Variants in MAPRE1 observed in about 807,000 individuals in gnomAD.
The protein encoded by MAPRE1 is microtubule-associated protein RP/EB family member 1.
MAPRE1 carries 5 observed loss-of-function variants against 32.1 expected under a neutral mutation model. That is an observed-to-expected ratio of 0.16 (90% confidence interval 0.08 to 0.33). The LOEUF is 0.33. Ranked by LOEUF, MAPRE1 falls within the 10% of genes least tolerant of loss-of-function variation. The pLI, the probability that MAPRE1 is intolerant of heterozygous loss-of-function variation, is 1.00. For synonymous variants in MAPRE1, 122 were observed against 118.9 expected, an observed-to-expected ratio of 1.03 and a Z score of -0.17; for missense variants, 209 against 327.2, an observed-to-expected ratio of 0.64 and a Z score of 2.79.
chr20:32,820,155 G>A (rs1219206118), intron 1 of MAPRE1, 127 bp downstream of exon 1: 3 of 151,508 alleles, frequency 2.0e-5, no homozygotes, highest in Non-Finnish European at 4.4e-5. Flanking sequence ...TGTTCGAGCC[G>A]GGTGGGGGAA....
intron 4 of MAPRE1, among the ~76,000 whole-genome samples, chr20:32,837,353 T>C (rs1403946111): frequency 1.3e-5 from 2 of 152,188 alleles, no homozygotes; most frequent in African/African-American, 4.8e-5. Context: ...CTTCCCTACC[T>C]GCCCTAGAAC....
Position 32,831,368 on chromosome 20 carries a change from C to T in MAPRE1, c.122-2349C>T, listed in dbSNP as rs116717200. Among the ~76,000 whole-genome samples the T allele has an allele frequency of 2.1e-3, 312 of 151,562 alleles. 3 individuals carry two copies. Among genetic ancestry groups the T allele is most frequent in the African/African-American group, 7.3e-3 (303 of 41,314 alleles). ...CCAATATTTATGTAATTGATTCTTT[C>T]TCTTTTTAGAAATAGGGAAATAAAT... On this transcript the variant is annotated intron_variant, in intron 2 of 6. Transcript: ENST00000375571.
intron 6 of MAPRE1, 92 bp from the exon 7 acceptor site, chr20:32,848,580 A>G (rs1444872514): frequency 1.4e-5 from 13 of 936,260 alleles, no homozygotes; most frequent in African/African-American, 5.0e-5. Flanking sequence ...AGGAAGAACC[A>G]TTGTTTTTAA....
At chr20:32,836,230 G>T (rs1983197438) in intron 3 of MAPRE1, among the ~76,000 whole-genome samples, 2 of 152,240 alleles carry the variant, frequency 1.3e-5, no homozygotes, top group South Asian at 2.1e-4. Flanking sequence ...ACAGGCATGA[G>T]CCACTGTGCC....
At chr20:32,829,001 A>G (rs111548490) in intron 2 of MAPRE1, among the ~76,000 whole-genome samples, 4,805 of 151,804 alleles carry the variant, frequency 0.032, 216 homozygotes, top group African/African-American at 0.1. Flanking sequence ...GCTCACTGCA[A>G]CCTCCGCCTC....
chr20:32,826,137 A>G, intron 2 of MAPRE1, 89 bp downstream of exon 2: 1 of 1,306,094 alleles, frequency 7.7e-7, no homozygotes, highest in Non-Finnish European at 1.0e-6. Flanking sequence ...AAAGCCACAC[A>G]CAGAGGTTCA....
intron 5 of MAPRE1, 133 bp downstream of exon 5, chr20:32,839,989 C>T (rs1029655947): frequency 1.4e-5 from 18 of 1,274,102 alleles, no homozygotes; most frequent in Non-Finnish European, 1.8e-5. Flanking sequence ...ACGTGTGAGC[C>T]TCAGGTGCTG....
Position 32,846,499 on chromosome 20 carries a change from G to A in MAPRE1, c.598-119G>A, listed in dbSNP as rs866596106. On this transcript the variant is annotated intron_variant, in intron 5 of 6. Transcript: ENST00000375571. The stretch of plus-strand genomic sequence containing the variant: ...AGAAAATTGACATTAAACTGATGTG[G>A]TTTTTGTCTGTGTTGGGGTTTGATC... 73 of 918,540 alleles carry A rather than the reference G, an allele frequency of 7.9e-5. No homozygotes were observed. In the Middle Eastern group the frequency reaches 2.5e-3, roughly 31 times the overall value. 56.9% of individuals were successfully genotyped at this position (918,540 alleles called of 1,614,324 possible). A position where few individuals can be genotyped will look rare whatever the true frequency, so the allele number is the denominator to read the frequency against.
At chr20:32,832,030 G>T (rs1436449850) in intron 2 of MAPRE1, among the ~76,000 whole-genome samples, 1 of 151,628 alleles carries the variant, frequency 6.6e-6, no homozygotes, top group South Asian at 2.1e-4. Flanking sequence ...AGAAATCAAG[G>T]CCTTAACCTT....
chr20:32,830,594 T>C (rs1443270356), intron 2 of MAPRE1, among the ~76,000 whole-genome samples: 1 of 152,206 alleles, frequency 6.6e-6, no homozygotes, highest in African/African-American at 2.4e-5. Context: ...TCACTGCTGC[T>C]GCAGTGGCCT....
At chr20:32,830,629 T>A (rs1213010400) in intron 2 of MAPRE1, among the ~76,000 whole-genome samples, 1 of 152,096 alleles carries the variant, frequency 6.6e-6, no homozygotes, top group East Asian at 1.9e-4. Flanking sequence ...AAGTTCCCTC[T>A]AAGTTCCCAG....
At chr20:32,841,993 C>T (rs191418301) in intron 5 of MAPRE1, among the ~76,000 whole-genome samples, 79 of 151,368 alleles carry the variant, frequency 5.2e-4, no homozygotes, top group Non-Finnish European at 1.1e-3. Flanking sequence ...TAAAAGTTCA[C>T]AGGAACCAGT....
intron 4 of MAPRE1, among the ~76,000 whole-genome samples, chr20:32,837,226 G>A (rs1983226204): frequency 6.6e-6 from 1 of 152,216 alleles, no homozygotes; most frequent in Admixed American, 6.5e-5. Context: ...AGAGCCCTAG[G>A]ATGGGAAGTT....
At chr20:32,844,088 A>T (rs889283537) in intron 5 of MAPRE1, among the ~76,000 whole-genome samples, 9 of 152,128 alleles carry the variant, frequency 5.9e-5, no homozygotes, top group African/African-American at 1.9e-4. Flanking sequence ...TCCTGACCTC[A>T]GGTGATCTGG....
At chr20:32,848,467 A>G (rs1983565026) in intron 6 of MAPRE1, among the ~76,000 whole-genome samples, 2 of 152,190 alleles carry the variant, frequency 1.3e-5, no homozygotes, top group African/African-American at 2.4e-5. Context: ...ATCACTTTCA[A>G]AAGTTTGAGG....
chr20:32,844,672 A>G (rs140709766), intron 5 of MAPRE1, among the ~76,000 whole-genome samples: 2,280 of 152,152 alleles, frequency 0.015, 26 homozygotes, highest in South Asian at 0.044. Context: ...TTGGCCTCCC[A>G]AAGTGCTGGG....
chr20:32,837,195 C>T (rs1163880592), intron 4 of MAPRE1, among the ~76,000 whole-genome samples: 1 of 152,212 alleles, frequency 6.6e-6, no homozygotes, highest in Non-Finnish European at 1.5e-5. Context: ...TTAGTTTGTT[C>T]CAAAACAAGG....
intron 2 of MAPRE1, 80 bp downstream of exon 2, chr20:32,826,128 A>G (rs945822023): frequency 1.4e-6 from 2 of 1,382,624 alleles, no homozygotes; most frequent in Non-Finnish European, 2.0e-6. Flanking sequence ...TCTGACTGCA[A>G]AGCCACACAC....
intron 2 of MAPRE1, among the ~76,000 whole-genome samples, chr20:32,832,869 A>G (rs2048364950): frequency 7.6e-6 from 1 of 131,336 alleles, no homozygotes; most frequent in South Asian, 2.6e-4. Context: ...GCTTGAACTC[A>G]GGAAGTAGAG....
Sources: gnomAD v4.1 joint callset for allele counts (sites outside exome capture counted in the v4.1 genomes callset) on GRCh38, gnomAD v4.1.1 for gene constraint, MANE v1.5 for transcripts, NCBI Gene and HGNC (gene_info 2026-07-23, HGNC 2026-07-21) for gene names.